Variants in ZNF503 observed in about 807,000 individuals in gnomAD.
The protein encoded by ZNF503 is zinc finger protein 503, also known as NocA-like zinc finger 2.
ZNF503 carries 15 observed loss-of-function variants against 34.4 expected under a neutral mutation model. The ratio of observed to expected loss-of-function variants is 0.44; its 90% CI spans 0.29 to 0.67. The LOEUF is 0.67. Ranked by LOEUF, ZNF503 falls within the 30% of genes least tolerant of loss-of-function variation. The probability of loss-of-function intolerance (pLI) is 0.13; values close to 1 mark genes in which losing one functional copy is unlikely to be tolerated. For missense variants in ZNF503, 1,007 were observed against 926.8 expected (o/e 1.09, Z -1.12); for synonymous variants, 580 against 456.8 (o/e 1.27, Z -3.44).
the ZNF503 span, among the ~76,000 whole-genome samples, chr10:75,383,205 G>A: frequency 3.3e-5 from 5 of 152,076 alleles, no homozygotes; most frequent in South Asian, 2.1e-4. Flanking sequence ...TTTCTCAAAC[G>A]GATTCTTCCC....
chr10:75,348,296 A>G, the ZNF503 span, among the ~76,000 whole-genome samples: 10 of 150,970 alleles, frequency 6.6e-5, no homozygotes, highest in Admixed American at 6.6e-4. Flanking sequence ...GCCTGACCTC[A>G]AGTGATCCGC....
chr10:75,346,607 C>G, the ZNF503 span, among the ~76,000 whole-genome samples: 140 of 151,654 alleles, frequency 9.2e-4, no homozygotes, highest in Non-Finnish European at 1.4e-3. Flanking sequence ...GCCCAGCTAA[C>G]TTTTTGTATT....
chr10:75,359,087 C>G, the ZNF503 span: 1 of 152,310 alleles, frequency 6.6e-6, no homozygotes, highest in Non-Finnish European at 1.5e-5. Flanking sequence ...CAGACCATTG[C>G]TCCACATACC....
the ZNF503 span, among the ~76,000 whole-genome samples, chr10:75,329,669 G>C: frequency 6.6e-6 from 1 of 151,948 alleles, no homozygotes; most frequent in East Asian, 1.9e-4. Context: ...TAGAGATGGA[G>C]TGTTTCTTTG....
At chr10:75,363,199 C>G in the ZNF503 span, among the ~76,000 whole-genome samples, 247 of 152,336 alleles carry the variant, frequency 1.6e-3, no homozygotes, top group Non-Finnish European at 3.0e-3. Flanking sequence ...ACCTTTACCC[C>G]ACAGCTAGGC....
At chr10:75,293,772 G>T in the ZNF503 span, among the ~76,000 whole-genome samples, 1 of 152,048 alleles carries the variant, frequency 6.6e-6, no homozygotes, top group South Asian at 2.1e-4. Context: ...AAATCTCCAA[G>T]AATAAAAGGA....
chr10:75,287,890 A>T, the ZNF503 span, among the ~76,000 whole-genome samples: 1 of 152,164 alleles, frequency 6.6e-6, no homozygotes, highest in Non-Finnish European at 1.5e-5. Flanking sequence ...CATGTGCTTA[A>T]CCCTGGACCA....
At chr10:75,357,337 G>A in the ZNF503 span, among the ~76,000 whole-genome samples, 6 of 148,608 alleles carry the variant, frequency 4.0e-5, no homozygotes, top group Non-Finnish European at 8.9e-5. Flanking sequence ...AGGAAACATA[G>A]TGAGGCTCCA....
the ZNF503 span, among the ~76,000 whole-genome samples, chr10:75,354,948 C>G: frequency 1.3e-5 from 2 of 152,166 alleles, no homozygotes; most frequent in African/African-American, 4.8e-5. Flanking sequence ...CAGGTTCAAG[C>G]CTGCCTCAGC....
chr10:75,354,108 C>T, the ZNF503 span, among the ~76,000 whole-genome samples: 1 of 152,190 alleles, frequency 6.6e-6, no homozygotes, highest in Non-Finnish European at 1.5e-5. Flanking sequence ...GCAGTTCTAA[C>T]TTGCTGATGC....
the ZNF503 span, among the ~76,000 whole-genome samples, chr10:75,346,937 C>T: frequency 6.6e-6 from 1 of 152,102 alleles, no homozygotes; most frequent in African/African-American, 2.4e-5. Context: ...CGTTAGCTGC[C>T]GCGCCTGGCC....
At chr10:75,396,645 C>G (rs1389321340), downstream of ZNF503, among the ~76,000 whole-genome samples, 4 of 152,140 alleles carry the variant, frequency 2.6e-5, no homozygotes, top group African/African-American at 9.7e-5. This position sits in a 1 kb window ranked among gnomAD's most constrained non-coding sequence, Gnocchi z 4.4. Flanking sequence ...CCGAGGGGAT[C>G]CCGAGACTCG....
the ZNF503 span, among the ~76,000 whole-genome samples, chr10:75,304,453 A>G: frequency 6.6e-6 from 1 of 152,178 alleles, no homozygotes; most frequent in African/African-American, 2.4e-5. Flanking sequence ...CCTTTTAAAT[A>G]TTTCTTCATT....
At chr10:75,388,299 C>T in the ZNF503 span, among the ~76,000 whole-genome samples, 226 of 152,272 alleles carry the variant, frequency 1.5e-3, 2 homozygotes, top group African/African-American at 5.2e-3. Context: ...GTAGTACTTG[C>T]CCATTGCTGT....
the ZNF503 span, among the ~76,000 whole-genome samples, chr10:75,302,935 A>G: frequency 4.9e-4 from 74 of 152,152 alleles, no homozygotes; most frequent in African/African-American, 1.6e-3. Context: ...CTTCATTAAA[A>G]ATATTTCTCA....
chr10:75,304,108 A>G, the ZNF503 span, among the ~76,000 whole-genome samples: 3 of 152,220 alleles, frequency 2.0e-5, no homozygotes, highest in African/African-American at 7.2e-5. Flanking sequence ...TGCTGGGATT[A>G]CAGGCGTGAG....
the ZNF503 span, among the ~76,000 whole-genome samples, chr10:75,305,913 G>T: frequency 6.6e-6 from 1 of 152,154 alleles, no homozygotes; most frequent in Admixed American, 6.5e-5. Flanking sequence ...ACCACATGTT[G>T]TTTGTTAATT....
the ZNF503 span, among the ~76,000 whole-genome samples, chr10:75,330,918 C>A: frequency 6.6e-6 from 1 of 151,802 alleles, no homozygotes; most frequent in African/African-American, 2.4e-5. Context: ...TTTCTAGTTC[C>A]TTGAGATGCA....
the ZNF503 span, among the ~76,000 whole-genome samples, chr10:75,328,648 T>G: frequency 2.0e-5 from 3 of 152,208 alleles, no homozygotes; most frequent in Non-Finnish European, 4.4e-5. Context: ...GTTATTGATA[T>G]TTTGAGAGGG....
Sources: gnomAD v4.1 joint callset for allele counts (sites outside exome capture counted in the v4.1 genomes callset) on GRCh38, gnomAD v4.1.1 for gene constraint, Gnocchi (gnomAD v3.1) non-coding constraint, MANE v1.5 for transcripts, NCBI Gene and HGNC (gene_info 2026-07-23, HGNC 2026-07-21) for gene names.